Variants in SEMA3E observed in about 807,000 individuals in gnomAD.
SEMA3E encodes the protein semaphorin 3E.
In SEMA3E, 49 loss-of-function variants were observed where a neutral mutation model predicts 93.6. The observed-to-expected ratio is 0.52, with a 90% CI of 0.42 to 0.66. SEMA3E has a LOEUF of 0.66. SEMA3E is among the 30% of genes least tolerant of loss of function. The pLI is 0.00. For missense variants in SEMA3E, 906 were observed against 964.8 expected (o/e 0.94, Z 0.81); for synonymous variants, 363 against 330.7 (o/e 1.10, Z -1.06).
chr7:83,599,341 G>A (rs1175926283), intron 1 of SEMA3E, among the ~76,000 whole-genome samples: 1 of 152,058 alleles, frequency 6.6e-6, no homozygotes, highest in Non-Finnish European at 1.5e-5. Context: ...GTATTCTGTG[G>A]TTAAGCAAAA....
At chr7:83,446,630 A>G (rs1342800301) in intron 4 of SEMA3E, among the ~76,000 whole-genome samples, 1 of 152,232 alleles carries the variant, frequency 6.6e-6, no homozygotes, top group Non-Finnish European at 1.5e-5. Flanking sequence ...CTTAGACACA[A>G]TTGTTACCAA....
At chr7:83,515,314 T>C (rs969064235) in intron 1 of SEMA3E, among the ~76,000 whole-genome samples, 3 of 149,398 alleles carry the variant, frequency 2.0e-5, no homozygotes, top group Non-Finnish European at 4.4e-5. Flanking sequence ...AAAAAAGAAA[T>C]GTCCTAGGTT....
chr7:83,547,563 T>C (rs1198232651), intron 1 of SEMA3E, among the ~76,000 whole-genome samples: 1 of 152,144 alleles, frequency 6.6e-6, no homozygotes, highest in East Asian at 1.9e-4. Context: ...TTAGTTGAGC[T>C]GGTCCGCTGT....
intron 1 of SEMA3E, among the ~76,000 whole-genome samples, chr7:83,600,486 A>ATTTTTTTTTTTTTTTTTTTTTTTTT (rs71522671): frequency 1.6e-5 from 1 of 63,050 alleles, no homozygotes; most frequent in Non-Finnish European, 3.0e-5. Flanking sequence ...CGCCCAGCTA[A>ATTTTTTTTTTTTTTTTTTTTTTTTT]TTTTTTTTTT....
intron 4 of SEMA3E, among the ~76,000 whole-genome samples, chr7:83,435,632 AAAAG>A (rs1199916676): frequency 1.1e-4 from 16 of 152,234 alleles, no homozygotes; most frequent in African/African-American, 1.9e-4. Context: ...AAGAAAAGAA[AAAAG>A]AAAGACAGAA....
chr7:83,446,386 A>G (rs1157494581), intron 4 of SEMA3E, among the ~76,000 whole-genome samples: 1 of 152,266 alleles, frequency 6.6e-6, no homozygotes. Context: ...AAGTTTCAAC[A>G]GAACCAAGGC....
At position 83,395,114 on chromosome 7, in the gene SEMA3E, A is replaced by T. The variant is rs145695063; in HGVS notation, c.1459-776T>A. 4.9e-3 allele frequency among the ~76,000 whole-genome samples: 739 copies of T among 152,296 alleles called. 6 individuals carry two copies. Among genetic ancestry groups the T allele is most frequent in the African/African-American group, 0.017 (694 of 41,568 alleles). ...TTTTACTTTAAACTACAGAATCTTT[A>T]TGCCTTCATACATTCACTCAGGCAA... On this transcript the variant is annotated intron_variant, in intron 12 of 16. Transcript: ENST00000643230.
At chr7:83,402,023 T>C (rs1788242129) in intron 10 of SEMA3E, among the ~76,000 whole-genome samples, 1 of 152,042 alleles carries the variant, frequency 6.6e-6, no homozygotes, top group Admixed American at 6.6e-5. Flanking sequence ...CTTAATAGTA[T>C]AGTTCAGAGA....
chr7:83,400,427 G>T (rs972375231), intron 10 of SEMA3E, among the ~76,000 whole-genome samples, 177 bp from the exon 11 acceptor site: 1 of 151,844 alleles, frequency 6.6e-6, no homozygotes, highest in African/African-American at 2.4e-5. Flanking sequence ...AGGTTCAGAG[G>T]TACATGTCCA....
intron 2 of SEMA3E, among the ~76,000 whole-genome samples, chr7:83,472,427 C>CT (rs1789917293): frequency 2.0e-5 from 1 of 50,332 alleles, no homozygotes; most frequent in South Asian, 6.0e-4. Flanking sequence ...ATTTGAGTAA[C>CT]TAACTGTAGC....
intron 5 of SEMA3E, among the ~76,000 whole-genome samples, chr7:83,413,952 C>T (rs2713154): frequency 0.53 from 81,228 of 151,956 alleles, 23,509 homozygotes; most frequent in East Asian, 0.84. Context: ...TACCTCTTTT[C>T]GTTGTGACGG....
chr7:83,586,790 C>A (rs900715170), intron 1 of SEMA3E, among the ~76,000 whole-genome samples: 1 of 151,998 alleles, frequency 6.6e-6, no homozygotes, highest in South Asian at 2.1e-4. Flanking sequence ...GCAAAGGAAA[C>A]AATCTCTATC....
chr7:83,545,815 TTA>T (rs145965702), intron 1 of SEMA3E, among the ~76,000 whole-genome samples: 7 of 145,426 alleles, frequency 4.8e-5, no homozygotes, highest in Non-Finnish European at 7.5e-5. Flanking sequence ...ATATCCAGTA[TTA>T]TATATATATA....
chr7:83,453,710 A>C lies in SEMA3E; in HGVS notation c.456+12772T>G, dbSNP rs905612874. 2.0e-5 allele frequency among the ~76,000 whole-genome samples: 3 copies of C among 150,200 alleles called. No individual in the cohort carries two copies. In the South Asian group the frequency reaches 6.3e-4, roughly 31 times the overall value. ...TATATTATTTTCACATAAATGGATC[A>C]AGAAATTGCAGGCCAGTCATTCTTC... On this transcript the variant is annotated intron_variant, in intron 4 of 16. Coordinates refer to ENST00000643230, the MANE Select transcript of SEMA3E (RefSeq NM_012431.3).
At chr7:83,569,153 A>G (rs1381660166) in intron 1 of SEMA3E, among the ~76,000 whole-genome samples, 1 of 142,536 alleles carries the variant, frequency 7.0e-6, no homozygotes, top group Non-Finnish European at 1.5e-5. Flanking sequence ...AAAAAAAAAA[A>G]AATCTTATAA....
At chr7:83,575,610 G>A (rs915620572) in intron 1 of SEMA3E, among the ~76,000 whole-genome samples, 1 of 151,980 alleles carries the variant, frequency 6.6e-6, no homozygotes, top group Non-Finnish European at 1.5e-5. Context: ...TCAGCCCCGG[G>A]CCTCATAATT....
chr7:83,445,710 C>T (rs754547043), intron 4 of SEMA3E, among the ~76,000 whole-genome samples: 4 of 151,810 alleles, frequency 2.6e-5, no homozygotes, highest in African/African-American at 2.4e-5. Flanking sequence ...AAGAGTGAGA[C>T]TTCATCTCAA....
intron 1 of SEMA3E, among the ~76,000 whole-genome samples, chr7:83,542,120 A>G (rs1691842535): frequency 1.3e-5 from 2 of 152,026 alleles, no homozygotes; most frequent in African/African-American, 4.8e-5. Flanking sequence ...AGGCAGGCAG[A>G]TTATTTAATG....
At chr7:83,480,403 G>A (rs1790121041) in intron 2 of SEMA3E, among the ~76,000 whole-genome samples, 1 of 152,236 alleles carries the variant, frequency 6.6e-6, no homozygotes, top group East Asian at 1.9e-4. Flanking sequence ...ACTCCAGCCT[G>A]GGTGACAGAG....
Sources: gnomAD v4.1 joint callset for allele counts (sites outside exome capture counted in the v4.1 genomes callset) on GRCh38, gnomAD v4.1.1 for gene constraint, MANE v1.5 for transcripts, NCBI Gene and HGNC (gene_info 2026-07-23, HGNC 2026-07-21) for gene names.